ZFPM1: variants seen among roughly 807,000 people sequenced by gnomAD.
ZFPM1 encodes the protein zinc finger protein, FOG family member 1.
A neutral mutation model predicts 46.3 loss-of-function variants in ZFPM1; 28 were observed. The observed-to-expected ratio is 0.60, with a 90% CI of 0.45 to 0.83. The LOEUF is 0.83. ZFPM1 is among the 40% of genes least tolerant of loss of function. The probability of loss-of-function intolerance (pLI) is 0.00; values close to 1 mark genes in which losing one functional copy is unlikely to be tolerated. For missense variants in ZFPM1, 1,878 were observed against 1,432.4 expected (o/e 1.31, Z -5.02); for synonymous variants, 957 against 675.9 (o/e 1.42, Z -6.45).
intron 1 of ZFPM1, among the ~76,000 whole-genome samples, chr16:88,458,720 C>A (rs1907668301): frequency 6.6e-6 from 1 of 152,218 alleles, no homozygotes; most frequent in Admixed American, 6.5e-5. Flanking sequence ...GCCACCATAC[C>A]CGTGGGTATT....
chr16:88,454,333 G>A (rs1907438627), intron 1 of ZFPM1, among the ~76,000 whole-genome samples: 2 of 152,140 alleles, frequency 1.3e-5, no homozygotes, highest in African/African-American at 4.8e-5. Context: ...CCCACCCCGT[G>A]CCCTAGCGCT....
At chr16:88,494,693 C>T (rs376960642) in intron 3 of ZFPM1, among the ~76,000 whole-genome samples, 1 of 152,056 alleles carries the variant, frequency 6.6e-6, no homozygotes. Context: ...GGGGGCGAGG[C>T]GGGCGTGGAC....
At chr16:88,521,802 G>C (rs187928032) in intron 4 of ZFPM1, among the ~76,000 whole-genome samples, 1 of 96,296 alleles carries the variant, frequency 1.0e-5, no homozygotes, top group African/African-American at 4.9e-5. Context: ...TCCCTCCCCT[G>C]TGCTGTTCCC....
chr16:88,532,493 G>A, intron 7 of ZFPM1, 121 bp from the exon 8 acceptor site: 2 of 1,075,248 alleles, frequency 1.9e-6, no homozygotes, highest in East Asian at 2.6e-5. Context: ...GGGGTTTAAA[G>A]ACCCTTCAGC....
intron 3 of ZFPM1, among the ~76,000 whole-genome samples, chr16:88,493,439 A>G (rs192991088): frequency 0.08 from 2,221 of 27,724 alleles, no homozygotes; most frequent in Middle Eastern, 0.2. Flanking sequence ...GTCCCGGGGT[A>G]CGGAGAGCTG....
At chr16:88,452,652 C>T (rs1422882960), upstream of ZFPM1, among the ~76,000 whole-genome samples, 1 of 152,298 alleles carries the variant, frequency 6.6e-6, no homozygotes, top group African/African-American at 2.4e-5. Context: ...CCTCGGGCTT[C>T]CTGAGCCGGT....
In ZFPM1 at chr16:88,474,956, C is replaced by T. The variant is rs75065430; in HGVS notation, c.41-10983C>T. Among the ~76,000 whole-genome samples, 445 of 152,362 alleles carry T rather than the reference C, an allele frequency of 2.9e-3. 1 individual carries two copies. The highest frequency in any genetic ancestry group is 0.01 in the African/African-American group (424 of 41,590). On this transcript the variant is annotated intron_variant, in intron 1 of 9. Transcript: ENST00000319555. ...GGCAGCCCCTATGCCCAGAGCCAGTCGCCAGCTAGATTCCACTTGGCCCTG... is the reference window on the plus strand; with the variant it reads ...GGCAGCCCCTATGCCCAGAGCCAGTTGCCAGCTAGATTCCACTTGGCCCTG...
chr16:88,523,387 G>A (rs1021052013), intron 4 of ZFPM1, among the ~76,000 whole-genome samples: 4 of 152,190 alleles, frequency 2.6e-5, no homozygotes, highest in African/African-American at 2.4e-5. Flanking sequence ...CAGCCCCTCC[G>A]CAAGGGAAGC....
At chr16:88,515,328 G>C (rs1218525614) in intron 4 of ZFPM1, among the ~76,000 whole-genome samples, 1 of 152,204 alleles carries the variant, frequency 6.6e-6, no homozygotes, top group African/African-American at 2.4e-5. Flanking sequence ...GCCCAGGACA[G>C]AGGGCGTCCC....
intron 4 of ZFPM1, among the ~76,000 whole-genome samples, chr16:88,518,169 C>T (rs192163534): frequency 2.0e-5 from 3 of 150,848 alleles, no homozygotes; most frequent in Admixed American, 6.6e-5. Context: ...GGCACCACTG[C>T]ACTCCAGCCT....
At position 88,533,349 on chromosome 16, in the gene ZFPM1, T is replaced by G; in HGVS notation, c.1391T>G (p.Val464Gly). The change falls in exon 10 of 10, where the codon GTG becomes GGG. Residue 464 changes from valine to glycine, a missense_variant. Val to Gly is a moderately radical substitution (Grantham distance 109). Transcript: ENST00000319555. ...EPPAAPRSIK[V>G]EAVEEPEAAP... ...CCGGCGGCCCCCAGGAGCATCAAGG[T>G]GGAGGCGGTGGAGGAGCCGGAGGCG... 6.5e-7 allele frequency: 1 copy of G among 1,532,374 alleles called. No individual in the cohort carries two copies. The highest frequency in any genetic ancestry group is 1.2e-5 in the South Asian group (1 of 83,654). The allele number at this position is 1,532,374 out of a possible 1,614,324, so 94.9% of individuals were successfully genotyped here.
At chr16:88,462,351 G>A (rs1480005416) in intron 1 of ZFPM1, among the ~76,000 whole-genome samples, 1 of 152,252 alleles carries the variant, frequency 6.6e-6, no homozygotes, top group East Asian at 1.9e-4. Context: ...TGTCTGCTAA[G>A]TGCCTTACGG....
In ZFPM1 at chr16:88,480,372, G is replaced by A. The variant is rs946233871; in HGVS notation, c.41-5567G>A. Among the ~76,000 whole-genome samples the A allele has an allele frequency of 1.7e-4, 26 of 152,200 alleles. No homozygotes were observed. Among genetic ancestry groups the A allele is most frequent in the Non-Finnish European group, 3.4e-4 (23 of 68,034 alleles). Reference sequence around the variant, plus strand: ...GAAGGGGAAAGGAGCCAGCGAAAGCGAAGGAGGAAGAAGTGAGTGTGTGAG... The same window carrying A: ...GAAGGGGAAAGGAGCCAGCGAAAGCAAAGGAGGAAGAAGTGAGTGTGTGAG... On this transcript the variant is annotated intron_variant, in intron 1 of 9. Coordinates refer to ENST00000319555, the MANE Select transcript of ZFPM1 (RefSeq NM_153813.3). The surrounding 1 kb of genome is among the most constrained non-coding windows in gnomAD (Gnocchi z 4.9).
intron 3 of ZFPM1, among the ~76,000 whole-genome samples, chr16:88,506,750 C>T (rs539033522): frequency 9.3e-5 from 14 of 151,010 alleles, no homozygotes; most frequent in African/African-American, 3.4e-4. Flanking sequence ...GACCTGGACC[C>T]TCTGAGGGGC....
intron 3 of ZFPM1, among the ~76,000 whole-genome samples, chr16:88,510,160 C>G (rs1348976078): frequency 3.9e-5 from 6 of 152,190 alleles, no homozygotes; most frequent in Non-Finnish European, 8.8e-5. Flanking sequence ...GCTGGCACCC[C>G]CTTCTCCATA....
At chr16:88,515,869 T>C (rs1911266067) in intron 4 of ZFPM1, among the ~76,000 whole-genome samples, 1 of 152,176 alleles carries the variant, frequency 6.6e-6, no homozygotes, top group African/African-American at 2.4e-5. Flanking sequence ...TCTGGGGTGC[T>C]GGGATGTGGG....
chr16:88,457,805 G>T (rs1907623374), intron 1 of ZFPM1, among the ~76,000 whole-genome samples: 1 of 152,054 alleles, frequency 6.6e-6, no homozygotes, highest in African/African-American at 2.4e-5. Context: ...GCCACATTTA[G>T]CAGAGGGAAT....
At position 88,534,043 on chromosome 16, in the gene ZFPM1, C is replaced by T. The variant is rs775109502; in HGVS notation, c.2085C>T (p.His695=). 4.4e-6 allele frequency: 6 copies of T among 1,350,662 alleles called. No homozygotes were observed. The African/African-American group carries it at 7.8e-5, about 18-fold the overall frequency. 83.7% of individuals were successfully genotyped at this position (1,350,662 alleles called of 1,614,324 possible). A position where few individuals can be genotyped will look rare whatever the true frequency, so the allele number is the denominator to read the frequency against. Residue 695 remains histidine, a synonymous_variant, in exon 10 of 10, where the codon CAC becomes CAT. Coordinates refer to ENST00000319555, the MANE Select transcript of ZFPM1 (RefSeq NM_153813.3). ...CEACNIRFSR[H]ETYTVHKRYY... is the part of the protein sequence containing the mutation. ...CCTGCAACATCCGCTTCAGCCGCCA[C>T]GAGACCTACACCGTGCACAAGCGGT...
chr16:88,505,010 T>C (rs990504768), intron 3 of ZFPM1, among the ~76,000 whole-genome samples: 1 of 152,226 alleles, frequency 6.6e-6, no homozygotes, highest in Non-Finnish European at 1.5e-5. Context: ...GGGGCCAGGG[T>C]TCAGCCCGAT....
Sources: gnomAD v4.1 joint callset for allele counts (sites outside exome capture counted in the v4.1 genomes callset) on GRCh38, gnomAD v4.1.1 for gene constraint, Gnocchi (gnomAD v3.1) non-coding constraint, MANE v1.5 for transcripts, NCBI Gene and HGNC (gene_info 2026-07-23, HGNC 2026-07-21) for gene names.